FSTL4: variants seen among roughly 807,000 people sequenced by gnomAD.
FSTL4 encodes follistatin like 4, also known as follistatin-related protein 4.
Under a neutral mutation model 78.2 loss-of-function variants are expected in FSTL4, and 28 were observed. That is an observed-to-expected ratio of 0.36 (90% CI 0.27 to 0.49). FSTL4 has a LOEUF of 0.49. FSTL4 is among the 20% of genes least tolerant of loss of function. FSTL4 has a pLI of 0.98. For synonymous variants in FSTL4, 422 were observed against 440.5 expected (o/e 0.96, Z 0.53); for missense variants, 922 against 1,084.9 (o/e 0.85, Z 2.11).
chr5:133,597,636 C>T (rs1760764756), intron 2 of FSTL4, among the ~76,000 whole-genome samples: 1 of 152,102 alleles, frequency 6.6e-6, no homozygotes, highest in South Asian at 2.1e-4. Context: ...CTCAAAATAC[C>T]AAAGAGGCAC....
chr5:133,386,958 A>G (rs953242606), intron 4 of FSTL4, among the ~76,000 whole-genome samples: 1 of 152,226 alleles, frequency 6.6e-6, no homozygotes, highest in Admixed American at 6.5e-5. Flanking sequence ...GATATACAAT[A>G]TTTGATGTCT....
chr5:133,220,689 A>G (rs2126786606), intron 12 of FSTL4, 59 bp downstream of exon 12: 1 of 888,462 alleles, frequency 1.1e-6, no homozygotes. Context: ...GGTTAAAGAT[A>G]GACTTTTAGG....
intron 3 of FSTL4, among the ~76,000 whole-genome samples, chr5:133,408,675 C>T (rs1261591778): frequency 6.6e-6 from 1 of 152,194 alleles, no homozygotes; most frequent in Non-Finnish European, 1.5e-5. Flanking sequence ...CACAGTAAAA[C>T]CTTGGCCTCC....
At chr5:133,366,428 C>G (rs1045216707) in intron 4 of FSTL4, among the ~76,000 whole-genome samples, 1 of 152,114 alleles carries the variant, frequency 6.6e-6, no homozygotes, top group South Asian at 2.1e-4. Context: ...GCAAGGATAC[C>G]GTCTGACATG....
At chr5:133,590,237 G>A (rs1479653095) in intron 2 of FSTL4, among the ~76,000 whole-genome samples, 1 of 152,070 alleles carries the variant, frequency 6.6e-6, no homozygotes, top group African/African-American at 2.4e-5. Flanking sequence ...TTCCAGCCCA[G>A]AGCTCCAGAT....
intron 4 of FSTL4, among the ~76,000 whole-genome samples, chr5:133,356,925 T>A (rs1387886017): frequency 6.6e-6 from 1 of 152,210 alleles, no homozygotes; most frequent in Non-Finnish European, 1.5e-5. Context: ...GAGGCTGAGC[T>A]GGTAAAGGGC....
intron 2 of FSTL4, among the ~76,000 whole-genome samples, chr5:133,601,249 C>T (rs1444288757): frequency 6.6e-6 from 1 of 152,148 alleles, no homozygotes; most frequent in African/African-American, 2.4e-5. Flanking sequence ...ACATAAATAT[C>T]GATTGGCTTA....
intron 6 of FSTL4, among the ~76,000 whole-genome samples, chr5:133,273,141 T>G (rs1752803446): frequency 1.3e-5 from 2 of 152,244 alleles, no homozygotes; most frequent in South Asian, 2.1e-4. Flanking sequence ...TCCAGGGAAG[T>G]GCTGTCCAAT....
At chr5:133,762,718 A>T in the FSTL4 span, among the ~76,000 whole-genome samples, 6 of 152,196 alleles carry the variant, frequency 3.9e-5, no homozygotes, top group African/African-American at 1.4e-4. Context: ...CCAGGACTCC[A>T]TGCTTCACTT....
At chr5:133,781,362 CG>C in the FSTL4 span, among the ~76,000 whole-genome samples, 6 of 106,138 alleles carry the variant, frequency 5.7e-5, no homozygotes, top group Non-Finnish European at 1.1e-4. Context: ...GATTGTTAAG[CG>C]GTTGTGTGTG....
At chr5:133,375,739 T>C (rs1755418726) in intron 4 of FSTL4, among the ~76,000 whole-genome samples, 1 of 152,250 alleles carries the variant, frequency 6.6e-6, no homozygotes, top group Admixed American at 6.5e-5. Context: ...TCTAGAAATC[T>C]GGCTTTCTGT....
intron 4 of FSTL4, among the ~76,000 whole-genome samples, chr5:133,330,197 C>T (rs532526465): frequency 1.3e-5 from 2 of 152,312 alleles, no homozygotes; most frequent in South Asian, 4.1e-4. Flanking sequence ...ATTTTATGCT[C>T]ATCACTTTTC....
chr5:133,488,411 C>T (rs528096724), intron 3 of FSTL4, among the ~76,000 whole-genome samples: 2 of 152,288 alleles, frequency 1.3e-5, no homozygotes, highest in African/African-American at 2.4e-5. Context: ...CCCACCACCA[C>T]ATCCAGCTAA....
chr5:133,785,448 A>G, the FSTL4 span, among the ~76,000 whole-genome samples: 1 of 152,166 alleles, frequency 6.6e-6, no homozygotes, highest in Non-Finnish European at 1.5e-5. Flanking sequence ...TGCCCAGCTC[A>G]ATACTCAGCT....
the FSTL4 span, among the ~76,000 whole-genome samples, chr5:133,772,670 G>C: frequency 1.3e-5 from 2 of 152,128 alleles, no homozygotes; most frequent in African/African-American, 2.4e-5. Flanking sequence ...GTGCACGAGA[G>C]AGCCAGGGAG....
intron 11 of FSTL4, among the ~76,000 whole-genome samples, chr5:133,223,827 A>G (rs992451017): frequency 2.6e-5 from 4 of 152,180 alleles, no homozygotes; most frequent in Non-Finnish European, 5.9e-5. Context: ...GTAGAGATCT[A>G]CAACTTGTTT....
chr5:133,304,089 A>T (rs1753607338), intron 6 of FSTL4, among the ~76,000 whole-genome samples: 2 of 152,170 alleles, frequency 1.3e-5, no homozygotes, highest in South Asian at 4.1e-4. Flanking sequence ...CCTCCAATCC[A>T]AGGGAGCAAG....
At chr5:133,407,487 A>G (rs1580689028) in intron 3 of FSTL4, among the ~76,000 whole-genome samples, 1 of 152,332 alleles carries the variant, frequency 6.6e-6, no homozygotes. Context: ...ACATTCTCCA[A>G]TCCCAAAGCT....
chr5:133,563,551 A>G (rs543226971), intron 3 of FSTL4, among the ~76,000 whole-genome samples: 1 of 152,364 alleles, frequency 6.6e-6, no homozygotes, highest in South Asian at 2.1e-4. Flanking sequence ...ATTCTCTGAA[A>G]ACATCAGAAC....
Sources: gnomAD v4.1 joint callset for allele counts (sites outside exome capture counted in the v4.1 genomes callset) on GRCh38, gnomAD v4.1.1 for gene constraint, MANE v1.5 for transcripts, NCBI Gene and HGNC (gene_info 2026-07-23, HGNC 2026-07-21) for gene names.